Variants in NEK7 observed in about 807,000 individuals in gnomAD.
NEK7 encodes the protein NIMA related kinase 7.
NEK7 carries 18 observed loss-of-function variants against 44.6 expected under a neutral mutation model. The observed-to-expected ratio is 0.40, with a 90% CI of 0.28 to 0.60. The LOEUF is 0.60. Ranked by LOEUF, NEK7 falls within the 20% of genes least tolerant of loss-of-function variation. NEK7 has a pLI of 0.38. For synonymous variants in NEK7, 130 were observed against 121.1 expected (o/e 1.07, Z -0.48); for missense variants, 256 against 366.5 (o/e 0.70, Z 2.46).
intron 1 of NEK7, among the ~76,000 whole-genome samples, chr1:198,204,675 G>A (rs1665537585): frequency 1.4e-5 from 2 of 143,384 alleles, no homozygotes; most frequent in African/African-American, 2.6e-5. Flanking sequence ...GCCAGAGATC[G>A]CGCAACTGCA....
chr1:198,243,784 T>G (rs1666752282), intron 2 of NEK7, among the ~76,000 whole-genome samples: 1 of 152,120 alleles, frequency 6.6e-6, no homozygotes, highest in African/African-American at 2.4e-5. Flanking sequence ...TTAACGAAAC[T>G]TTAGGAATAG....
chr1:198,314,504 G>A (rs557868637), intron 9 of NEK7, among the ~76,000 whole-genome samples: 28 of 152,284 alleles, frequency 1.8e-4, no homozygotes, highest in African/African-American at 6.5e-4. Context: ...AGGAGGAGAG[G>A]CGCTCTGCTT....
chr1:198,262,133 G>A (rs1023586358), intron 3 of NEK7, among the ~76,000 whole-genome samples: 2 of 151,840 alleles, frequency 1.3e-5, no homozygotes, highest in Admixed American at 6.6e-5. Flanking sequence ...TGCTTGCTCT[G>A]TTGATTAGCT....
At chr1:198,201,135 G>A (rs1240343037) in intron 1 of NEK7, among the ~76,000 whole-genome samples, 1 of 152,016 alleles carries the variant, frequency 6.6e-6, no homozygotes, top group East Asian at 1.9e-4. Context: ...GTTTTTTTAA[G>A]TGGAAGAGGG....
intron 7 of NEK7, among the ~76,000 whole-genome samples, chr1:198,282,413 T>A (rs1053859067): frequency 2.6e-5 from 4 of 152,080 alleles, no homozygotes; most frequent in Non-Finnish European, 4.4e-5. Context: ...CAGTTCATGA[T>A]GTGCCAGCCA....
At chr1:198,215,716 A>G (rs964097206) in intron 1 of NEK7, among the ~76,000 whole-genome samples, 1 of 152,126 alleles carries the variant, frequency 6.6e-6, no homozygotes, top group Non-Finnish European at 1.5e-5. Context: ...GTGGAAAAAG[A>G]TATTTCATGC....
intron 2 of NEK7, among the ~76,000 whole-genome samples, chr1:198,243,154 G>A (rs1406853119): frequency 1.3e-5 from 2 of 151,966 alleles, no homozygotes; most frequent in African/African-American, 2.4e-5. Flanking sequence ...TAGTCTCTGT[G>A]TAAATGTTAC....
chr1:198,248,938 G>A (rs1039188280), intron 2 of NEK7, among the ~76,000 whole-genome samples: 1 of 151,738 alleles, frequency 6.6e-6, no homozygotes, highest in African/African-American at 2.4e-5. Flanking sequence ...TGTGCACAAT[G>A]TGCAGGTTAG....
chr1:198,307,947 G>C (rs1353234661), intron 9 of NEK7, among the ~76,000 whole-genome samples: 1 of 152,168 alleles, frequency 6.6e-6, no homozygotes, highest in East Asian at 1.9e-4. Context: ...ACAATGGCAA[G>C]TGGTAAAAGA....
At chr1:198,194,471 A>G (rs370667171) in intron 1 of NEK7, among the ~76,000 whole-genome samples, 11 of 124,286 alleles carry the variant, frequency 8.9e-5, no homozygotes, top group Admixed American at 6.4e-4. Flanking sequence ...AGTAGGCCCC[A>G]GTGTCTGTTG....
intron 5 of NEK7, among the ~76,000 whole-genome samples, chr1:198,273,881 G>T (rs1653931149): frequency 1.3e-5 from 2 of 151,604 alleles, no homozygotes; most frequent in African/African-American, 4.8e-5. Context: ...TTTAGAAGTG[G>T]TGGAGACGTC....
At chr1:198,270,378 A>G (rs1188328457) in intron 5 of NEK7, among the ~76,000 whole-genome samples, 1 of 152,046 alleles carries the variant, frequency 6.6e-6, no homozygotes, top group Non-Finnish European at 1.5e-5. Flanking sequence ...ACAAAATGTA[A>G]CCTAATGTTT....
chr1:198,193,769 A>G (rs1665146256), intron 1 of NEK7, among the ~76,000 whole-genome samples: 2 of 152,148 alleles, frequency 1.3e-5, no homozygotes, highest in African/African-American at 4.8e-5. Context: ...AAAACTCTCA[A>G]TCAACTAGGT....
At chr1:198,161,478 C>G (rs1379400689) in intron 1 of NEK7, among the ~76,000 whole-genome samples, 2 of 152,280 alleles carry the variant, frequency 1.3e-5, no homozygotes, top group Middle Eastern at 3.4e-3. Flanking sequence ...TACCAGAGGT[C>G]TAAATGTGGT....
chr1:198,260,820 ACTG>A (rs984048302), intron 3 of NEK7, among the ~76,000 whole-genome samples: 19 of 152,230 alleles, frequency 1.2e-4, no homozygotes, highest in Admixed American at 9.2e-4. Flanking sequence ...CATTTTATAT[ACTG>A]CTATTTTCAC....
chr1:198,295,950 A>G (rs1013704199), intron 8 of NEK7, among the ~76,000 whole-genome samples: 3 of 152,024 alleles, frequency 2.0e-5, no homozygotes, highest in Admixed American at 6.6e-5. Flanking sequence ...AGGTACTTCT[A>G]TATAGTTGTG....
chr1:198,249,713 C>T (rs578251913), intron 2 of NEK7, among the ~76,000 whole-genome samples: 1 of 148,494 alleles, frequency 6.7e-6, no homozygotes, highest in Non-Finnish European at 1.5e-5. Flanking sequence ...TCATGTCCTT[C>T]ACCCACTTTT....
At chr1:198,223,330 A>G (rs1205064506) in intron 1 of NEK7, among the ~76,000 whole-genome samples, 1 of 152,182 alleles carries the variant, frequency 6.6e-6, no homozygotes, top group Non-Finnish European at 1.5e-5. Context: ...AATTTCAGAT[A>G]TATTTTGGAA....
intron 1 of NEK7, among the ~76,000 whole-genome samples, chr1:198,195,256 A>G (rs1665197792): frequency 6.6e-6 from 1 of 152,196 alleles, no homozygotes; most frequent in African/African-American, 2.4e-5. Context: ...GACTAAAAAA[A>G]AACAGGGAGT....
Sources: allele counts gnomAD v4.1 joint callset (sites outside exome capture counted in the v4.1 genomes callset), GRCh38; gene constraint gnomAD v4.1.1; transcripts MANE v1.5; gene names NCBI Gene and HGNC (gene_info 2026-07-23, HGNC 2026-07-21).